The following ULK4 variants were observed in gnomAD, a reference collection of about 807,000 sequenced individuals.
The protein encoded by ULK4 is unc-51 like kinase 4.
Under a neutral mutation model 160.6 loss-of-function variants are expected in ULK4, and 133 were observed. That is an observed-to-expected ratio of 0.83 (90% CI 0.72 to 0.96). The LOEUF is 0.96. Ranked by LOEUF, ULK4 falls within the 40% of genes least tolerant of loss-of-function variation. The pLI, the probability that ULK4 is intolerant of heterozygous loss-of-function variation, is 0.00. For missense variants in ULK4, 1,580 were observed against 1,499.5 expected, an observed-to-expected ratio of 1.05 and a Z score of -0.89; for synonymous variants, 534 against 539.8, an observed-to-expected ratio of 0.99 and a Z score of 0.15.
rs974326506 is a variant in ULK4 at position 41,604,241 on chromosome 3, T to C, written c.3120+11428A>G. On this transcript the variant is annotated intron_variant, in intron 31 of 36. Coordinates refer to ENST00000301831, the MANE Select transcript of ULK4 (RefSeq NM_017886.4). ...ATAATCAGGAAGGGAAAGAGAGAGA[T>C]GACACGAGGCGAGAGAGGCAACCAT... Among the ~76,000 whole-genome samples, 4 of 151,858 alleles carry C rather than the reference T, an allele frequency of 2.6e-5. No individual in the cohort carries two copies. The South Asian group carries it at 6.2e-4, about 24-fold the overall frequency.
intron 21 of ULK4, among the ~76,000 whole-genome samples, chr3:41,780,299 A>C (rs566972016): frequency 6.6e-6 from 1 of 151,952 alleles, no homozygotes; most frequent in Non-Finnish European, 1.5e-5. Flanking sequence ...AAGAGACCCC[A>C]CCCTGGGTCA....
intron 35 of ULK4, among the ~76,000 whole-genome samples, chr3:41,369,670 T>A (rs2081323081): frequency 6.6e-6 from 1 of 151,654 alleles, no homozygotes; most frequent in Admixed American, 6.6e-5. Context: ...GGTGGCCGCC[T>A]GTAATGCTAG....
intron 35 of ULK4, among the ~76,000 whole-genome samples, chr3:41,272,326 T>C (rs1278669112): frequency 6.6e-6 from 1 of 151,054 alleles, no homozygotes; most frequent in African/African-American, 2.4e-5. Flanking sequence ...TGTCTTTTGT[T>C]GCTTTCAATT....
rs751664589 is a variant in ULK4, at chr3:41,249,557, C to A, written c.3696G>T (p.Lys1232Asn). 1.2e-6 allele frequency: 2 copies of A among 1,613,936 alleles called. No individual in the cohort carries two copies. Among genetic ancestry groups the A allele is most frequent in the African/African-American group, 1.3e-5 (1 of 74,938 alleles). Residue 1232 changes from lysine to asparagine, a missense_variant, in exon 36 of 37, where the codon AAG becomes AAT. By Grantham distance (94) the Lys-to-Asn change is moderately conservative. Coordinates refer to ENST00000301831, the MANE Select transcript of ULK4 (RefSeq NM_017886.4). ...CTGCATTCTTGAGGCTCTCCAAGTG[C>A]TTCTCATTGGAGGTGATCTGCAAGG... ...ILRRMITSNE[K>N]HLESLKNAGS... is the part of the protein sequence containing the mutation.
At chr3:41,259,116 GTA>G (rs10567326) in intron 35 of ULK4, among the ~76,000 whole-genome samples, 36,853 of 147,750 alleles carry the variant, frequency 0.25, 8,989 homozygotes, top group African/African-American at 0.63. Flanking sequence ...GTATATATGT[GTA>G]TATATATATA....
chr3:41,832,914 C>T (rs1339818823), intron 18 of ULK4, among the ~76,000 whole-genome samples: 1 of 152,084 alleles, frequency 6.6e-6, no homozygotes, highest in African/African-American at 2.4e-5. Flanking sequence ...GTACCAGTAC[C>T]ATGCTGTTTT....
At chr3:41,583,875 G>T (rs1267712278) in intron 31 of ULK4, among the ~76,000 whole-genome samples, 1 of 152,226 alleles carries the variant, frequency 6.6e-6, no homozygotes, top group African/African-American at 2.4e-5. Flanking sequence ...ACAAATGTGG[G>T]ATGGAGCAGA....
chr3:41,836,262 T>A (rs940611032), intron 17 of ULK4, among the ~76,000 whole-genome samples: 2 of 152,068 alleles, frequency 1.3e-5, no homozygotes, highest in African/African-American at 2.4e-5. Context: ...AACCTCTGCC[T>A]CCTGGGTTCA....
chr3:41,452,909 A>C (rs1165915367), intron 34 of ULK4, among the ~76,000 whole-genome samples: 2 of 152,184 alleles, frequency 1.3e-5, no homozygotes, highest in Non-Finnish European at 2.9e-5. Context: ...CTATTCCCAA[A>C]CATGGAATAA....
At chr3:41,406,476 T>C (rs1373937657) in intron 34 of ULK4, among the ~76,000 whole-genome samples, 1 of 152,234 alleles carries the variant, frequency 6.6e-6, no homozygotes, top group East Asian at 1.9e-4. Context: ...ATACGAATTT[T>C]AGAATGGCTT....
chr3:41,607,941 TGAG>T (rs1380013110), intron 31 of ULK4, among the ~76,000 whole-genome samples: 20 of 152,238 alleles, frequency 1.3e-4, no homozygotes, highest in Admixed American at 7.9e-4. Context: ...TGAAAAATAA[TGAG>T]GAGAACATCC....
chr3:41,855,693 G>A (rs894446055), intron 17 of ULK4, among the ~76,000 whole-genome samples: 2 of 152,106 alleles, frequency 1.3e-5, no homozygotes, highest in African/African-American at 4.8e-5. Flanking sequence ...GAAATACAAA[G>A]GAAGCTCACT....
chr3:41,666,595 C>G (rs914190455), intron 29 of ULK4, among the ~76,000 whole-genome samples: 5 of 152,112 alleles, frequency 3.3e-5, no homozygotes, highest in African/African-American at 9.7e-5. Context: ...TCTGATGAGT[C>G]CTTCGTGTAC....
intron 30 of ULK4, among the ~76,000 whole-genome samples, chr3:41,644,309 G>A (rs2034376533): frequency 1.3e-5 from 2 of 151,558 alleles, no homozygotes; most frequent in Non-Finnish European, 1.5e-5. Flanking sequence ...TGCCCATTCA[G>A]TATGATATTG....
intron 35 of ULK4, among the ~76,000 whole-genome samples, chr3:41,390,352 G>C (rs1488704608): frequency 6.6e-6 from 1 of 151,988 alleles, no homozygotes; most frequent in South Asian, 2.1e-4. Flanking sequence ...AGGGTTTTTT[G>C]TGTCTCTATT....
chr3:41,408,078 T>A (rs1323663569), intron 34 of ULK4, among the ~76,000 whole-genome samples: 1 of 151,982 alleles, frequency 6.6e-6, no homozygotes, highest in Admixed American at 6.6e-5. Context: ...GAAAATAATT[T>A]CATTTATAAT....
intron 30 of ULK4, 27 bp downstream of exon 30, chr3:41,663,580 A>C (rs774466521): frequency 1.3e-6 from 2 of 1,592,750 alleles, no homozygotes; most frequent in East Asian, 4.5e-5. Context: ...GTGAGACACA[A>C]GAAAAAGAAA....
chr3:41,465,556 A>C (rs1182089720), intron 32 of ULK4, among the ~76,000 whole-genome samples: 1 of 152,178 alleles, frequency 6.6e-6, no homozygotes, highest in Non-Finnish European at 1.5e-5. Context: ...AGTCTCCTTT[A>C]ATTTCTAATA....
At chr3:41,754,591 G>C in intron 21 of ULK4, 103 bp from the exon 22 acceptor site, 1 of 1,071,470 alleles carries the variant, frequency 9.3e-7, no homozygotes, top group Non-Finnish European at 1.3e-6. Flanking sequence ...ATGGCAGGAA[G>C]TAAAATAATA....
Sources: gnomAD v4.1 joint callset for allele counts (sites outside exome capture counted in the v4.1 genomes callset) on GRCh38, gnomAD v4.1.1 for gene constraint, MANE v1.5 for transcripts, NCBI Gene and HGNC (gene_info 2026-07-23, HGNC 2026-07-21) for gene names.